NPHP1: variants seen among roughly 807,000 people sequenced by gnomAD.
The protein encoded by NPHP1 is nephrocystin 1, also known as nephrocystin-1.
NPHP1 carries 70 observed loss-of-function variants against 90.4 expected under a neutral mutation model. That is an observed-to-expected ratio of 0.77 (90% CI 0.64 to 0.95). The LOEUF (loss-of-function observed/expected upper bound fraction) is 0.95, where lower values mean the gene tolerates loss of function less well. NPHP1 is among the 40% of genes least tolerant of loss of function. NPHP1 has a pLI of 0.00. For synonymous variants in NPHP1, 256 were observed against 271.7 expected, an observed-to-expected ratio of 0.94 and a Z score of 0.57; for missense variants, 764 against 795.9, an observed-to-expected ratio of 0.96 and a Z score of 0.48.
intron 4 of NPHP1, among the ~76,000 whole-genome samples, 158 bp from the exon 5 acceptor site, chr2:110,170,156 A>AAG (rs1264350318): frequency 2.0e-5 from 3 of 152,178 alleles, no homozygotes; most frequent in African/African-American, 7.2e-5. Flanking sequence ...CCATCTAGCT[A>AAG]AGACCGTGTG....
chr2:110,200,328 C>T (rs1685487198), intron 2 of NPHP1, among the ~76,000 whole-genome samples: 1 of 152,052 alleles, frequency 6.6e-6, no homozygotes, highest in Admixed American at 6.6e-5. Context: ...CTTTGGGAGG[C>T]CAAGGCTGGG....
intron 2 of NPHP1, among the ~76,000 whole-genome samples, chr2:110,194,567 C>CTTG (rs1369356098): frequency 6.6e-6 from 1 of 151,926 alleles, no homozygotes; most frequent in East Asian, 1.9e-4. Flanking sequence ...CAGCCAAATT[C>CTTG]TACCAGAGGT....
chr2:110,159,037 T>C (rs1013633222), intron 11 of NPHP1, among the ~76,000 whole-genome samples: 1 of 152,036 alleles, frequency 6.6e-6, no homozygotes, highest in Non-Finnish European at 1.5e-5. Flanking sequence ...AAGATGATCA[T>C]ATGATTTTTC....
intron 2 of NPHP1, among the ~76,000 whole-genome samples, chr2:110,189,654 C>T (rs879626645): frequency 6.6e-6 from 1 of 152,076 alleles, no homozygotes; most frequent in Admixed American, 6.6e-5. Context: ...TTTATCTGGC[C>T]CCACCTACAT....
intron 17 of NPHP1, 31 bp from the exon 18 acceptor site, chr2:110,129,290 T>C (rs886522481): frequency 1.1e-5 from 17 of 1,520,228 alleles, no homozygotes; most frequent in Middle Eastern, 3.4e-4. Context: ...AAGAATTTTA[T>C]GCAAACTTCA....
chr2:110,172,103 T>C (rs1418266799), intron 4 of NPHP1, among the ~76,000 whole-genome samples: 1 of 152,184 alleles, frequency 6.6e-6, no homozygotes, highest in East Asian at 1.9e-4. Context: ...TTTTAAGATT[T>C]TCTGTTCATC....
intron 19 of NPHP1, chr2:110,125,332 G>C: frequency 6.6e-7 from 1 of 1,518,016 alleles, no homozygotes; most frequent in Non-Finnish European, 8.8e-7. Context: ...AGCTAGAGAA[G>C]TTTTTTAAAA....
intron 6 of NPHP1, 46 bp downstream of exon 6, chr2:110,168,406 A>C: frequency 2.1e-6 from 1 of 468,392 alleles, no homozygotes; most frequent in Middle Eastern, 4.4e-4. Flanking sequence ...ATTAAAAGCG[A>C]AAAAAAAAAA....
chr2:110,163,277 C>T, intron 8 of NPHP1, 142 bp from the exon 9 acceptor site: 3 of 685,608 alleles, frequency 4.4e-6, no homozygotes, highest in Admixed American at 4.3e-5. Context: ...CGATTTGGCC[C>T]CAAATTCCTG....
chr2:110,201,194 G>A (rs1685553172), intron 2 of NPHP1, among the ~76,000 whole-genome samples: 1 of 152,118 alleles, frequency 6.6e-6, no homozygotes. Flanking sequence ...AGGATTTAGG[G>A]TAATCCTGCC....
intron 14 of NPHP1, among the ~76,000 whole-genome samples, chr2:110,145,448 G>C (rs753915117): frequency 5.3e-5 from 8 of 151,936 alleles, no homozygotes; most frequent in Non-Finnish European, 1.0e-4. Flanking sequence ...GTGCCACCAT[G>C]CTTGGCTAAT....
At chr2:110,124,663 A>C in intron 19 of NPHP1, 1 of 179,724 alleles carries the variant, frequency 5.6e-6, no homozygotes, top group South Asian at 1.2e-4. Flanking sequence ...CTCAGAGAGC[A>C]CAGCAAGTTG....
At chr2:110,174,713 C>T (rs1490982487) in intron 4 of NPHP1, among the ~76,000 whole-genome samples, 1 of 151,860 alleles carries the variant, frequency 6.6e-6, no homozygotes, top group East Asian at 1.9e-4. Flanking sequence ...ACATTCCCAA[C>T]TGAAGCTGAA....
intron 2 of NPHP1, among the ~76,000 whole-genome samples, chr2:110,200,609 A>C (rs1213193456): frequency 6.6e-6 from 1 of 152,178 alleles, no homozygotes; most frequent in African/African-American, 2.4e-5. Flanking sequence ...ACTAACATAA[A>C]ATTTAAAAAC....
intron 4 of NPHP1, among the ~76,000 whole-genome samples, chr2:110,176,508 T>C (rs1683518810): frequency 6.6e-6 from 1 of 152,184 alleles, no homozygotes; most frequent in Non-Finnish European, 1.5e-5. Flanking sequence ...TTTCTGATTT[T>C]TTTTATACTG....
chr2:110,174,817 CT>C (rs112745291), intron 4 of NPHP1, among the ~76,000 whole-genome samples: 18,382 of 132,910 alleles, frequency 0.14, 2,201 homozygotes, highest in African/African-American at 0.35. Context: ...CATTTTTGTG[CT>C]TTTTTTTTTT....
In NPHP1 at chr2:110,161,668, G is replaced by C. The variant is rs771017776; in HGVS notation, c.889C>G (p.Gln297Glu). 7 of 1,612,934 alleles carry C rather than the reference G, an allele frequency of 4.3e-6. No homozygotes were observed. The highest frequency in any genetic ancestry group is 1.1e-5 in the South Asian group (1 of 91,026). The change falls in exon 10 of 20, where the codon CAA becomes GAA. Residue 297 changes from glutamine to glutamate, a missense_variant. Physicochemically the swap from Gln to Glu is conservative, Grantham distance 29. Coordinates refer to ENST00000445609, the MANE Select transcript of NPHP1 (RefSeq NM_001128178.3). ...AGTTGTGAAGGCATGAGCTCTGGTT[G>C]TAAGAAGTAATTTGCTCGAAATTGA... ...GNQFRANYFLQPELMPSQLAF... is the reference protein window; with the variant it reads ...GNQFRANYFLEPELMPSQLAF...
chr2:110,169,210 A>G (rs1682935473), intron 5 of NPHP1, among the ~76,000 whole-genome samples: 1 of 152,160 alleles, frequency 6.6e-6, no homozygotes, highest in Non-Finnish European at 1.5e-5. Flanking sequence ...AAACCATATA[A>G]TTATTTGCAT....
intron 2 of NPHP1, among the ~76,000 whole-genome samples, chr2:110,182,586 C>A (rs918980571): frequency 6.6e-6 from 1 of 152,088 alleles, no homozygotes; most frequent in South Asian, 2.1e-4. Flanking sequence ...TCAGACCAAG[C>A]AAATGCTTAG....
Sources: gnomAD v4.1 joint callset for allele counts (sites outside exome capture counted in the v4.1 genomes callset) on GRCh38, gnomAD v4.1.1 for gene constraint, MANE v1.5 for transcripts, NCBI Gene and HGNC (gene_info 2026-07-23, HGNC 2026-07-21) for gene names.